HERPUD2: variants seen among roughly 807,000 people sequenced by gnomAD.
The protein encoded by HERPUD2 is homocysteine-responsive endoplasmic reticulum-resident ubiquitin-like domain member 2 protein.
Under a neutral mutation model 49.9 loss-of-function variants are expected in HERPUD2, and 13 were observed. The ratio of observed to expected loss-of-function variants is 0.26; its 90% CI spans 0.17 to 0.41. HERPUD2 has a LOEUF of 0.41. Among genes scored for constraint, HERPUD2 ranks in the 10% least tolerant of loss-of-function variants. The pLI, the probability that HERPUD2 is intolerant of heterozygous loss-of-function variation, is 1.00. For missense variants in HERPUD2, 449 were observed against 492.2 expected (o/e 0.91, Z 0.83); for synonymous variants, 172 against 171.4 (o/e 1.00, Z -0.03).
chr7:35,649,508 G>C (rs1476892723), intron 5 of HERPUD2, among the ~76,000 whole-genome samples: 1 of 152,136 alleles, frequency 6.6e-6, no homozygotes, highest in Non-Finnish European at 1.5e-5. Flanking sequence ...CAGCCCTCAG[G>C]AGATCCTGAG....
chr7:35,667,416 TACC>T lies in HERPUD2; in HGVS notation c.494+15_494+17del, dbSNP rs1237429568. 1 of 1,600,000 alleles carries T rather than the reference TACC, an allele frequency of 6.3e-7. No individual in the cohort carries two copies. The highest frequency in any genetic ancestry group is 8.6e-7 in the Non-Finnish European group (1 of 1,169,190). On this transcript the variant is annotated intron_variant, in intron 5 of 8. Transcript: ENST00000311350. ...GGGGGCCCCAATCACATTCCATAGC[TACC>T]ACAATTTCACTTACCCTTGCATTAC...
At chr7:35,636,078 T>C (rs1180913429) in intron 6 of HERPUD2, among the ~76,000 whole-genome samples, 1 of 152,206 alleles carries the variant, frequency 6.6e-6, no homozygotes, top group Non-Finnish European at 1.5e-5. Context: ...ATAATTTGAT[T>C]GCTTAAAATT....
chr7:35,686,481 C>A (rs1201319599), intron 2 of HERPUD2, among the ~76,000 whole-genome samples: 1 of 150,466 alleles, frequency 6.6e-6, no homozygotes, highest in Non-Finnish European at 1.5e-5. Context: ...GCGCAGCGCC[C>A]GGCCTAACAT....
At chr7:35,673,751 A>C (rs1785691998) in intron 2 of HERPUD2, among the ~76,000 whole-genome samples, 1 of 152,202 alleles carries the variant, frequency 6.6e-6, no homozygotes, top group Non-Finnish European at 1.5e-5. Flanking sequence ...TTTCTTCCTT[A>C]CTAATATTGT....
At chr7:35,688,255 C>A (rs1478084875) in intron 2 of HERPUD2, among the ~76,000 whole-genome samples, 1 of 152,110 alleles carries the variant, frequency 6.6e-6, no homozygotes, top group Non-Finnish European at 1.5e-5. Context: ...ATCTAAAAAC[C>A]CTGAAAATTC....
chr7:35,672,781 C>T (rs1048219848), intron 3 of HERPUD2, among the ~76,000 whole-genome samples: 1 of 151,998 alleles, frequency 6.6e-6, no homozygotes, highest in African/African-American at 2.4e-5. Flanking sequence ...AACTGATGGA[C>T]CAGTTAATTT....
At chr7:35,682,114 T>A (rs1227602774) in intron 2 of HERPUD2, among the ~76,000 whole-genome samples, 18 of 152,072 alleles carry the variant, frequency 1.2e-4, no homozygotes, top group Middle Eastern at 6.8e-3. Context: ...ATCAGCTCAC[T>A]GCAACCTCTG....
chr7:35,676,762 A>AAGGGG (rs1430769942), intron 2 of HERPUD2, among the ~76,000 whole-genome samples: 2 of 152,176 alleles, frequency 1.3e-5, no homozygotes, highest in Non-Finnish European at 2.9e-5. Flanking sequence ...TCACCCTGAA[A>AAGGGG]ATCTTTCTTG....
In HERPUD2 at chr7:35,694,556, G is replaced by A; in HGVS notation, c.-226C>T. 4 of 560,126 alleles carry A rather than the reference G, an allele frequency of 7.1e-6. No individual in the cohort carries two copies. Among genetic ancestry groups the A allele is most frequent in the Middle Eastern group, 4.8e-4 (1 of 2,080 alleles). 34.7% of individuals were successfully genotyped at this position (560,126 alleles called of 1,614,324 possible). On this transcript the variant is annotated 5_prime_UTR_variant, in exon 2 of 9. Transcript: ENST00000311350. ...TGGGGTCTGGGTGCCCGGCCGTGGA[G>A]GCAGCTCTCCCCGCCAGGTCCGGGC...
Position 35,634,389 on chromosome 7 carries a change from G to T in HERPUD2, c.982C>A (p.His328Asn), listed in dbSNP as rs1489499344. The T allele has an allele frequency of 6.2e-7, 1 of 1,613,764 alleles. No individual in the cohort carries two copies. Among genetic ancestry groups the T allele is most frequent in the South Asian group, 1.1e-5 (1 of 91,054 alleles). The change falls in exon 8 of 9, where the codon CAT (histidine) becomes AAT (asparagine). Residue 328 changes from histidine to asparagine, a missense_variant. Physicochemically the swap from His to Asn is moderately conservative, Grantham distance 68 (BLOSUM62 1). Coordinates refer to ENST00000311350, the MANE Select transcript of HERPUD2 (RefSeq NM_022373.5). Reference protein sequence around the residue: ...GWFPFRQEGGHQQAPNNNAEV... With the variant: ...GWFPFRQEGGNQQAPNNNAEV... ...GCATTATTGTTGGGAGCCTGCTGAT[G>T]ACCTCCTTCTTGCCTAAAAGGAAAC...
At chr7:35,637,160 AAGAT>A (rs201529201) in intron 6 of HERPUD2, among the ~76,000 whole-genome samples, 16,309 of 143,362 alleles carry the variant, frequency 0.11, 1,244 homozygotes, top group African/African-American at 0.22. Flanking sequence ...GAAAGAAAGA[AAGAT>A]AGATAGATAG....
rs372108427 is a variant in HERPUD2 at position 35,645,497 on chromosome 7, T to C, written c.495-7025A>G. ...GCTCTTGTGTATTAATGTGGTGCAG[T>C]TGTTAATATATTTAGTGAAAAAACA... On this transcript the variant is annotated intron_variant, in intron 5 of 8. Transcript: ENST00000311350. Among the ~76,000 whole-genome samples, 16 of 152,240 alleles carry C rather than the reference T, an allele frequency of 1.1e-4. No individual in the cohort carries two copies. In the East Asian group the frequency reaches 3.1e-3, roughly 29 times the overall value.
chr7:35,640,031 CA>C (rs1165395277), intron 5 of HERPUD2, among the ~76,000 whole-genome samples: 1 of 152,024 alleles, frequency 6.6e-6, no homozygotes, highest in Non-Finnish European at 1.5e-5. Flanking sequence ...CTCCCCACCT[CA>C]AAAAAAGCAA....
chr7:35,685,468 C>T (rs1162977984), intron 2 of HERPUD2, among the ~76,000 whole-genome samples: 4 of 151,332 alleles, frequency 2.6e-5, no homozygotes, highest in African/African-American at 7.3e-5. Context: ...GGATTACAGG[C>T]GCGTGCCACT....
chr7:35,671,711 G>C (rs1392862571), intron 3 of HERPUD2, among the ~76,000 whole-genome samples: 1 of 151,980 alleles, frequency 6.6e-6, no homozygotes, highest in East Asian at 1.9e-4. Context: ...AAACATAAAT[G>C]TATTACTCAA....
In HERPUD2 at chr7:35,662,676, T is replaced by C. The variant is rs762745977; in HGVS notation, c.494+4758A>G. ...TTTATTTGCGTAGAGGTGTTTATAG[T>C]ACTCTCTGATGGCCATATTTCTGTG... is the stretch of plus-strand genomic sequence containing the variant. On this transcript the variant is annotated intron_variant, in intron 5 of 8. Coordinates refer to ENST00000311350, the MANE Select transcript of HERPUD2 (RefSeq NM_022373.5). Among the ~76,000 whole-genome samples, 69 of 152,324 alleles carry C rather than the reference T, an allele frequency of 4.5e-4. 1 individual carries two copies. The highest frequency in any genetic ancestry group is 1.0e-4 in the Non-Finnish European group (7 of 68,020).
At chr7:35,693,109 A>G (rs1786228306) in intron 2 of HERPUD2, among the ~76,000 whole-genome samples, 1 of 152,264 alleles carries the variant, frequency 6.6e-6, no homozygotes, top group African/African-American at 2.4e-5. Context: ...AAACTATTCC[A>G]AGACTCCTTG....
Position 35,635,360 on chromosome 7 carries a change from G to A in HERPUD2, c.716C>T (p.Pro239Leu), listed in dbSNP as rs773518701. ...GGCCACTAGGTTTGGAGCTGGTGGG[G>A]GTTCTTCTCCAGGAACATGTGCCAA... Reference protein sequence around the residue: ...LNLAHVPGEEPPPAPNLVAQE... With the variant: ...LNLAHVPGEELPPAPNLVAQE... Residue 239 changes from proline (P) to leucine (L), a missense_variant, in exon 7 of 9, where the codon CCC becomes CTC. Transcript: ENST00000311350. The A allele has an allele frequency of 6.2e-7, 1 of 1,613,970 alleles. No homozygotes were observed. Among genetic ancestry groups the A allele is most frequent in the Non-Finnish European group, 8.5e-7 (1 of 1,180,014 alleles).
At chr7:35,694,776 G>T in intron 1 of HERPUD2, 25 bp downstream of exon 1, 1 of 157,956 alleles carries the variant, frequency 6.3e-6, no homozygotes, top group Non-Finnish European at 1.4e-5. Context: ...GGGCCGCTCA[G>T]GGCGGTCAGC....
Sources: allele counts gnomAD v4.1 joint callset (sites outside exome capture counted in the v4.1 genomes callset), GRCh38; gene constraint gnomAD v4.1.1; transcripts MANE v1.5; gene names NCBI Gene and HGNC (gene_info 2026-07-23, HGNC 2026-07-21).